Variants in L2HGDH observed in about 807,000 individuals in gnomAD.
L2HGDH encodes the protein L-2-hydroxyglutarate dehydrogenase, also known as L-2-hydroxyglutarate dehydrogenase, mitochondrial.
Under a neutral mutation model 51.5 loss-of-function variants are expected in L2HGDH, and 34 were observed. The ratio of observed to expected loss-of-function variants is 0.66; its 90% CI spans 0.50 to 0.88. The LOEUF (loss-of-function observed/expected upper bound fraction) is 0.88. Ranked by LOEUF, L2HGDH falls within the 40% of genes least tolerant of loss-of-function variation. L2HGDH has a pLI of 0.00. For synonymous variants in L2HGDH, 198 were observed against 197.9 expected (o/e 1.00, Z -0.01); for missense variants, 558 against 571.9 (o/e 0.98, Z 0.25).
intron 6 of L2HGDH, among the ~76,000 whole-genome samples, chr14:50,277,435 T>C (rs1890035970): frequency 6.6e-6 from 1 of 152,062 alleles, no homozygotes. Flanking sequence ...TCCCCTTCTC[T>C]TCATGGTTCC....
At chr14:50,262,363 G>A (rs1889078431) in intron 9 of L2HGDH, among the ~76,000 whole-genome samples, 1 of 151,218 alleles carries the variant, frequency 6.6e-6, no homozygotes, top group African/African-American at 2.4e-5. Context: ...CAGGGAGTCG[G>A]AGGTTGTAGT....
intron 9 of L2HGDH, among the ~76,000 whole-genome samples, chr14:50,263,139 T>C (rs1003364530): frequency 1.3e-5 from 2 of 152,218 alleles, no homozygotes; most frequent in Non-Finnish European, 2.9e-5. Flanking sequence ...ACTGCAACTA[T>C]TTTTATACAG....
At chr14:50,302,649 T>A (rs548526763) in intron 2 of L2HGDH, among the ~76,000 whole-genome samples, 1 of 152,290 alleles carries the variant, frequency 6.6e-6, no homozygotes, top group South Asian at 2.1e-4. Context: ...TCCTTCCCTG[T>A]CTTACTTTCC....
chr14:50,275,052 T>C (rs753673193), intron 6 of L2HGDH, among the ~76,000 whole-genome samples: 7 of 152,172 alleles, frequency 4.6e-5, no homozygotes, highest in Non-Finnish European at 8.8e-5. Flanking sequence ...AAATCTAATA[T>C]ACAGCATGGT....
chr14:50,252,677 TAAG>T (rs1356143352), intron 9 of L2HGDH, among the ~76,000 whole-genome samples: 4 of 152,028 alleles, frequency 2.6e-5, no homozygotes, highest in East Asian at 1.9e-4. Flanking sequence ...ACAAAAACTG[TAAG>T]AAGAGACAAA....
At chr14:50,249,882 CTTTTTTTTTTTTTTTTTTTTT>C (rs747924080) in intron 9 of L2HGDH, among the ~76,000 whole-genome samples, 1 of 68,956 alleles carries the variant, frequency 1.5e-5, no homozygotes, top group Non-Finnish European at 2.6e-5. Flanking sequence ...GCTTACACTC[CTTTTTTTTTTTTTTTTTTTTT>C]TTTTTTTTTT....
chr14:50,311,984 C>A, intron 1 of L2HGDH, 27 bp downstream of exon 1: 1 of 1,548,310 alleles, frequency 6.5e-7, no homozygotes, highest in African/African-American at 1.4e-5. Context: ...GCAGCGCAGG[C>A]GGCGGGGAGG....
intron 6 of L2HGDH, among the ~76,000 whole-genome samples, chr14:50,275,806 G>A (rs1234402186): frequency 1.3e-5 from 2 of 152,338 alleles, no homozygotes; most frequent in South Asian, 2.1e-4. Flanking sequence ...AGGTAGAAAT[G>A]AGAGTGGTTC....
At chr14:50,269,485 GC>G (rs1274198257) in intron 6 of L2HGDH, among the ~76,000 whole-genome samples, 155 bp from the exon 7 acceptor site, 2 of 152,172 alleles carry the variant, frequency 1.3e-5, no homozygotes, top group African/African-American at 4.8e-5. Context: ...ATGTTCTTTA[GC>G]ATTTAGGTGG....
At chr14:50,271,126 T>C (rs936345182) in intron 6 of L2HGDH, among the ~76,000 whole-genome samples, 2 of 152,208 alleles carry the variant, frequency 1.3e-5, no homozygotes, top group African/African-American at 2.4e-5. Flanking sequence ...CAGCTGGGAC[T>C]ATAGGCGTGA....
chr14:50,311,399 T>A (rs2031165582), intron 1 of L2HGDH: 1 of 455,848 alleles, frequency 2.2e-6, no homozygotes, highest in Non-Finnish European at 4.4e-6. Context: ...CCAAAACCTC[T>A]CCAAGCCTTA....
intron 4 of L2HGDH, among the ~76,000 whole-genome samples, chr14:50,286,425 C>T (rs1890570774): frequency 6.6e-6 from 1 of 152,088 alleles, no homozygotes; most frequent in African/African-American, 2.4e-5. Flanking sequence ...TTCCAAGGGC[C>T]TCTCCCCGAT....
chr14:50,243,425 T>C lies in L2HGDH; in HGVS notation c.*3633A>G, dbSNP rs1887873722. 1.0e-6 allele frequency: 1 copy of C among 958,894 alleles called. No individual in the cohort carries two copies. Among genetic ancestry groups the C allele is most frequent in the African/African-American group, 1.8e-5 (1 of 56,630 alleles). The allele number at this position is 958,894 out of a possible 1,614,324, so 59.4% of individuals were successfully genotyped here. On this transcript the variant is annotated 3_prime_UTR_variant, in exon 10 of 10. Transcript: ENST00000267436. ...AGTTTATGTTTTACACATAAAAAAA[T>C]TTATTTGCATAAAAGTTTTTATGGA...
rs1370407635 is a variant in L2HGDH, at chr14:50,242,435, T to G, written c.*4623A>C. On this transcript the variant is annotated 3_prime_UTR_variant, in exon 10 of 10. Coordinates refer to ENST00000267436, the MANE Select transcript of L2HGDH (RefSeq NM_024884.3). ...TTTTATCCCAGGGACAAAAGAAACT[T>G]AAAATAAGATAACTTTAATGTGAGA... 1.0e-6 allele frequency: 1 copy of G among 982,456 alleles called. No individual in the cohort carries two copies. The highest frequency in any genetic ancestry group is 1.1e-4 in the East Asian group (1 of 8,828). 60.9% of individuals were successfully genotyped at this position (982,456 alleles called of 1,614,324 possible).
chr14:50,260,791 G>T (rs1206752514), intron 9 of L2HGDH, among the ~76,000 whole-genome samples: 1 of 152,130 alleles, frequency 6.6e-6, no homozygotes, highest in Non-Finnish European at 1.5e-5. Context: ...CCACAATTAG[G>T]AGAATGAGTA....
intron 6 of L2HGDH, among the ~76,000 whole-genome samples, chr14:50,273,679 T>C (rs1159489711): frequency 3.9e-5 from 6 of 152,044 alleles, no homozygotes; most frequent in Admixed American, 3.9e-4. Flanking sequence ...ACCTACAGAA[T>C]TGGAGAAAAT....
intron 9 of L2HGDH, among the ~76,000 whole-genome samples, chr14:50,262,383 T>C (rs1008440010): frequency 1.3e-5 from 2 of 150,148 alleles, no homozygotes; most frequent in East Asian, 3.9e-4. Context: ...TAAGCCGACA[T>C]TGTACCACTG....
At chr14:50,301,677 T>A (rs961920192) in intron 3 of L2HGDH, among the ~76,000 whole-genome samples, 3 of 152,044 alleles carry the variant, frequency 2.0e-5, no homozygotes, top group African/African-American at 7.2e-5. Context: ...GAGGTAGAAA[T>A]GGGAAGTGAC....
intron 8 of L2HGDH, among the ~76,000 whole-genome samples, chr14:50,266,369 G>C (rs779041234): frequency 6.6e-6 from 1 of 152,182 alleles, no homozygotes; most frequent in Non-Finnish European, 1.5e-5. Context: ...TAGGCAGGGT[G>C]TAGTGGCTCA....
Sources: gnomAD v4.1 joint callset for allele counts (sites outside exome capture counted in the v4.1 genomes callset) on GRCh38, gnomAD v4.1.1 for gene constraint, MANE v1.5 for transcripts, NCBI Gene and HGNC (gene_info 2026-07-23, HGNC 2026-07-21) for gene names.